RNF220: variants seen among roughly 807,000 people sequenced by gnomAD.
The protein encoded by RNF220 is E3 ubiquitin-protein ligase RNF220.
Under a neutral mutation model 67.1 loss-of-function variants are expected in RNF220, and 7 were observed. The ratio of observed to expected loss-of-function variants is 0.10; its 90% CI spans 0.06 to 0.20. The LOEUF (loss-of-function observed/expected upper bound fraction) is 0.20, where lower values mean the gene tolerates loss of function less well. Among genes scored for constraint, RNF220 ranks in the 10% least tolerant of loss-of-function variants. The pLI is 1.00. For missense variants in RNF220, 565 were observed against 740.3 expected (o/e 0.76, Z 2.75); for synonymous variants, 270 against 283.2 (o/e 0.95, Z 0.47).
rs143189431 is a variant in RNF220 at position 44,405,500 on chromosome 1, C to T, written c.-148C>T. 7.9e-5 allele frequency: 37 copies of T among 470,924 alleles called. No individual in the cohort carries two copies. Among genetic ancestry groups the T allele is most frequent in the African/African-American group, 7.4e-4 (36 of 48,412 alleles). 29.2% of individuals were successfully genotyped at this position (470,924 alleles called of 1,614,324 possible). On this transcript the variant is annotated 5_prime_UTR_variant, in exon 1 of 15. Transcript: ENST00000361799. Reference sequence around the variant, plus strand: ...GCTTCCCTCCGTGTCCTGAAAAGTGCGACCGTTCTCCCAAGGAATTTCCAC... The same window carrying T: ...GCTTCCCTCCGTGTCCTGAAAAGTGTGACCGTTCTCCCAAGGAATTTCCAC...
intron 2 of RNF220, among the ~76,000 whole-genome samples, chr1:44,456,470 A>T (rs568768228): frequency 2.0e-5 from 3 of 152,310 alleles, no homozygotes; most frequent in African/African-American, 4.8e-5. Context: ...AAATGACATT[A>T]AAAAGTTGCA....
At position 44,622,443 on chromosome 1, in the gene RNF220, A is replaced by G. The variant is rs1269075625; in HGVS notation, c.759-299A>G. Among the ~76,000 whole-genome samples, 7 of 152,196 alleles carry G rather than the reference A, an allele frequency of 4.6e-5. No individual in the cohort carries two copies. The highest frequency in any genetic ancestry group is 1.4e-4 in the African/African-American group (6 of 41,456). ...AGGACAGGCAGAATCTTCAGGGCTG[A>G]TACGAGGAGTCAGGTAAAGCCCCTT... On this transcript the variant is annotated intron_variant, in intron 3 of 14. Coordinates refer to ENST00000361799, the MANE Select transcript of RNF220 (RefSeq NM_018150.4). This position sits in a 1 kb window ranked among gnomAD's most constrained non-coding sequence, Gnocchi z 4.3.
intron 2 of RNF220, among the ~76,000 whole-genome samples, chr1:44,459,344 C>T (rs550311430): frequency 1.3e-4 from 20 of 152,250 alleles, no homozygotes; most frequent in African/African-American, 4.8e-4. Flanking sequence ...GAATTACTTC[C>T]TTTCCTACTG....
At chr1:44,494,205 C>CA (rs375116674) in intron 2 of RNF220, among the ~76,000 whole-genome samples, 92,563 of 122,476 alleles carry the variant, frequency 0.76, 35,433 homozygotes, top group East Asian at 0.88. Flanking sequence ...GAAACTCTGT[C>CA]AAAAAAAAAA....
chr1:44,485,941 A>C (rs1372491189), intron 2 of RNF220, among the ~76,000 whole-genome samples: 3 of 152,242 alleles, frequency 2.0e-5, no homozygotes, highest in African/African-American at 4.8e-5. Flanking sequence ...CAAGGCTGTG[A>C]TAAGTCAGGA....
chr1:44,417,466 G>C lies in RNF220; in HGVS notation c.625+4744G>C, dbSNP rs1007472216. ...CATCTGGCCTGGCTTGGCTTGGCTC[G>C]GCGCGCCGCTCGCCTGGCGGCTGGG... On this transcript the variant is annotated intron_variant, in intron 2 of 14. Transcript: ENST00000361799. This position sits in a 1 kb window ranked among gnomAD's most constrained non-coding sequence, Gnocchi z 4.0. Among the ~76,000 whole-genome samples the C allele has an allele frequency of 6.6e-6, 1 of 152,186 alleles. No individual in the cohort carries two copies. The highest frequency in any genetic ancestry group is 1.9e-4 in the East Asian group (1 of 5,162).
intron 2 of RNF220, among the ~76,000 whole-genome samples, chr1:44,568,721 G>A (rs1317349058): frequency 6.6e-6 from 1 of 152,204 alleles, no homozygotes; most frequent in African/African-American, 2.4e-5. Context: ...GGAGAGGCTG[G>A]GACGCGTGCA....
intron 5 of RNF220, among the ~76,000 whole-genome samples, chr1:44,629,678 A>G (rs1026340532): frequency 5.3e-5 from 8 of 152,150 alleles, no homozygotes; most frequent in African/African-American, 1.4e-4. Context: ...TCTCTACTAA[A>G]AATATAAAAT....
At chr1:44,411,113 C>T (rs528056243) in intron 1 of RNF220, among the ~76,000 whole-genome samples, 2 of 152,308 alleles carry the variant, frequency 1.3e-5, no homozygotes, top group East Asian at 1.9e-4. Flanking sequence ...TACAAATCTA[C>T]TTAAGAGTGA....
At chr1:44,614,108 G>A in intron 2 of RNF220, 57 bp from the exon 3 acceptor site, 2 of 1,605,060 alleles carry the variant, frequency 1.2e-6, no homozygotes, top group South Asian at 1.1e-5. Context: ...GGGATGCTGG[G>A]TCTGCCTCCT....
chr1:44,519,008 G>C (rs1272258805), intron 2 of RNF220, among the ~76,000 whole-genome samples: 1 of 151,490 alleles, frequency 6.6e-6, no homozygotes, highest in Non-Finnish European at 1.5e-5. Context: ...ATGAATGAAC[G>C]AACAAATGAA....
chr1:44,475,688 A>G (rs971359584), intron 2 of RNF220, among the ~76,000 whole-genome samples: 3 of 151,030 alleles, frequency 2.0e-5, no homozygotes, highest in African/African-American at 7.4e-5. Flanking sequence ...AATAGGATTT[A>G]TCATCTATTG....
At chr1:44,425,054 A>C (rs534768050) in intron 2 of RNF220, among the ~76,000 whole-genome samples, 1 of 152,308 alleles carries the variant, frequency 6.6e-6, no homozygotes, top group Non-Finnish European at 1.5e-5. Flanking sequence ...TCAGTGTCAG[A>C]ATTAGTCACC....
At chr1:44,576,781 T>C (rs1212980940) in intron 2 of RNF220, among the ~76,000 whole-genome samples, 1 of 152,212 alleles carries the variant, frequency 6.6e-6, no homozygotes. Context: ...TCTGACTTGT[T>C]ATTTCAGCCG....
chr1:44,420,996 T>C (rs750215826), intron 2 of RNF220, among the ~76,000 whole-genome samples: 14 of 152,230 alleles, frequency 9.2e-5, no homozygotes, highest in Non-Finnish European at 1.9e-4. Flanking sequence ...TCATGCCTTA[T>C]GGCAATGTGG....
intron 2 of RNF220, among the ~76,000 whole-genome samples, chr1:44,590,570 CCG>C (rs1294732964): frequency 6.6e-5 from 10 of 152,192 alleles, no homozygotes; most frequent in African/African-American, 2.4e-4. Flanking sequence ...TCTGCTGTGT[CCG>C]GTTCCCCGCT....
chr1:44,504,845 C>G (rs1658267961), intron 2 of RNF220, among the ~76,000 whole-genome samples: 1 of 152,184 alleles, frequency 6.6e-6, no homozygotes, highest in South Asian at 2.1e-4. Context: ...TCTCTGGCCT[C>G]TCTTCCCTCT....
intron 2 of RNF220, among the ~76,000 whole-genome samples, chr1:44,537,824 C>G (rs972074617): frequency 6.6e-6 from 1 of 152,166 alleles, no homozygotes; most frequent in Non-Finnish European, 1.5e-5. Flanking sequence ...GTGACCAGCC[C>G]GCCTTTGTTC....
At chr1:44,471,700 C>T (rs1262441332) in intron 2 of RNF220, among the ~76,000 whole-genome samples, 1 of 152,016 alleles carries the variant, frequency 6.6e-6, no homozygotes, top group Non-Finnish European at 1.5e-5. Context: ...TGGCACATGC[C>T]TGTAATCCCA....
Sources: allele counts gnomAD v4.1 joint callset (sites outside exome capture counted in the v4.1 genomes callset), GRCh38; gene constraint gnomAD v4.1.1; non-coding constraint Gnocchi (gnomAD v3.1); transcripts MANE v1.5; gene names NCBI Gene and HGNC (gene_info 2026-07-23, HGNC 2026-07-21).